Variants in ADAM32 observed in about 807,000 individuals in gnomAD.
The protein encoded by ADAM32 is disintegrin and metalloproteinase domain-containing protein 32.
ADAM32 carries 89 observed loss-of-function variants against 114.9 expected under a neutral mutation model. The ratio of observed to expected loss-of-function variants is 0.77; its 90% confidence interval spans 0.65 to 0.92. ADAM32 has a LOEUF of 0.92. Among genes scored for constraint, ADAM32 ranks in the 40% least tolerant of loss-of-function variants. ADAM32 has a pLI of 0.00. For missense variants in ADAM32, 870 were observed against 932.8 expected, an observed-to-expected ratio of 0.93 and a Z score of 0.88; for synonymous variants, 285 against 307.5, an observed-to-expected ratio of 0.93 and a Z score of 0.77.
rs749379276 is a variant in ADAM32, at chr8:39,233,925, G to A, written c.1661G>A (p.Cys554Tyr). The change falls in exon 16 of 25, where the codon TGT becomes TAT. Residue 554 changes from cysteine to tyrosine, a missense_variant. Coordinates refer to ENST00000379907, the MANE Select transcript of ADAM32 (RefSeq NM_145004.7). ...AATCTTATATGTGGAAGATTAGTTT[G>A]TACCTACCCTACTCGAAAGCCTTTC... ...WRNLICGRLV[C>Y]TYPTRKPFHQ... 6 of 1,580,220 alleles carry A rather than the reference G, an allele frequency of 3.8e-6. No homozygotes were observed. The South Asian group carries it at 6.0e-5, about 16-fold the overall frequency.
intron 10 of ADAM32, among the ~76,000 whole-genome samples, chr8:39,186,127 G>A (rs1297053163): frequency 6.6e-6 from 1 of 152,146 alleles, no homozygotes; most frequent in East Asian, 1.9e-4. Context: ...TTGCTCATTT[G>A]CAGCGTTCCC....
intron 23 of ADAM32, 59 bp from the exon 24 acceptor site, chr8:39,283,527 C>T (rs1813574719): frequency 7.6e-7 from 1 of 1,319,458 alleles, no homozygotes; most frequent in Non-Finnish European, 1.0e-6. Flanking sequence ...ATAAATACAA[C>T]ATAAGTTTGA....
chr8:39,218,234 T>C (rs1025813577), intron 12 of ADAM32, among the ~76,000 whole-genome samples: 1 of 152,164 alleles, frequency 6.6e-6, no homozygotes, highest in Non-Finnish European at 1.5e-5. Flanking sequence ...TTCTCTTTCT[T>C]TCTGTGCTGA....
chr8:39,182,209 G>A (rs1805947109), intron 10 of ADAM32, among the ~76,000 whole-genome samples: 1 of 152,050 alleles, frequency 6.6e-6, no homozygotes, highest in African/African-American at 2.4e-5. Context: ...GTTAGCAGAT[G>A]GGCTTTTTGA....
intron 6 of ADAM32, among the ~76,000 whole-genome samples, chr8:39,155,940 A>T (rs1804120107): frequency 6.6e-6 from 1 of 152,192 alleles, no homozygotes; most frequent in Non-Finnish European, 1.5e-5. Context: ...CCTCTATAGT[A>T]TACAAAACGC....
At chr8:39,208,540 C>T (rs1253789993) in intron 11 of ADAM32, among the ~76,000 whole-genome samples, 2 of 152,140 alleles carry the variant, frequency 1.3e-5, no homozygotes, top group East Asian at 3.8e-4. Context: ...GCATTCTTTT[C>T]TGTCAGACTG....
intron 11 of ADAM32, among the ~76,000 whole-genome samples, chr8:39,207,743 TTCTACTC>T (rs1325574038): frequency 6.6e-6 from 1 of 152,210 alleles, no homozygotes; most frequent in Non-Finnish European, 1.5e-5. Flanking sequence ...GTAACCACTA[TTCTACTC>T]TCTATTTTTA....
At chr8:39,242,154 A>G (rs1810603366) in intron 16 of ADAM32, among the ~76,000 whole-genome samples, 1 of 152,226 alleles carries the variant, frequency 6.6e-6, no homozygotes, top group Non-Finnish European at 1.5e-5. Context: ...CCTGATCTCC[A>G]TCTGAGACCA....
chr8:39,222,931 A>G, intron 13 of ADAM32, 109 bp from the exon 14 acceptor site: 1 of 814,366 alleles, frequency 1.2e-6, no homozygotes, highest in Non-Finnish European at 1.9e-6. Flanking sequence ...ATTAATATAC[A>G]TTAATGGATA....
chr8:39,214,301 C>A (rs1808421639), intron 12 of ADAM32, among the ~76,000 whole-genome samples: 1 of 152,170 alleles, frequency 6.6e-6, no homozygotes, highest in East Asian at 1.9e-4. Context: ...TATACTCCCA[C>A]CAACAGTGTA....
intron 6 of ADAM32, among the ~76,000 whole-genome samples, chr8:39,153,679 T>C (rs1232341227): frequency 1.3e-5 from 2 of 152,186 alleles, no homozygotes; most frequent in Non-Finnish European, 2.9e-5. Flanking sequence ...GAGAGCACAC[T>C]CTTGTGTGGA....
At chr8:39,253,134 G>T (rs368178473) in intron 17 of ADAM32, among the ~76,000 whole-genome samples, 1 of 151,622 alleles carries the variant, frequency 6.6e-6, no homozygotes, top group African/African-American at 2.4e-5. Context: ...GGGATGCAAG[G>T]ATGGTTCAAA....
At chr8:39,156,831 C>T (rs1193584131) in intron 6 of ADAM32, among the ~76,000 whole-genome samples, 2 of 152,158 alleles carry the variant, frequency 1.3e-5, no homozygotes, top group Non-Finnish European at 2.9e-5. Flanking sequence ...CATCAGAGCC[C>T]ATCCTAATGA....
At chr8:39,147,983 T>A (rs560158723) in intron 4 of ADAM32, among the ~76,000 whole-genome samples, 5 of 152,166 alleles carry the variant, frequency 3.3e-5, no homozygotes, top group South Asian at 4.2e-4. Context: ...TTCACCATGT[T>A]GGCCAGGCTT....
At chr8:39,122,509 A>G (rs1210798634) in intron 2 of ADAM32, among the ~76,000 whole-genome samples, 2 of 152,252 alleles carry the variant, frequency 1.3e-5, no homozygotes, top group African/African-American at 4.8e-5. Flanking sequence ...AGGCCTCACC[A>G]GAAACCAACC....
At chr8:39,122,704 G>A (rs1801850220) in intron 2 of ADAM32, among the ~76,000 whole-genome samples, 1 of 152,182 alleles carries the variant, frequency 6.6e-6, no homozygotes, top group Admixed American at 6.5e-5. Flanking sequence ...AGCCTCCCAA[G>A]TAGCTGGAAT....
chr8:39,107,672 C>G (rs1248397362), upstream of ADAM32: 2 of 1,536,502 alleles, frequency 1.3e-6, no homozygotes, highest in East Asian at 2.5e-5. Flanking sequence ...AGAACGCTGT[C>G]CCATGAACGT....
chr8:39,162,000 T>TTATA (rs5891056), intron 7 of ADAM32, among the ~76,000 whole-genome samples: 6 of 144,506 alleles, frequency 4.2e-5, no homozygotes, highest in Admixed American at 6.9e-5. Context: ...TTATTTTATT[T>TTATA]TATATATATA....
chr8:39,193,812 A>G (rs1806759777), intron 11 of ADAM32, among the ~76,000 whole-genome samples: 1 of 152,006 alleles, frequency 6.6e-6, no homozygotes, highest in Non-Finnish European at 1.5e-5. Flanking sequence ...ATTCTGTGGG[A>G]CTAGTATCAT....
Sources: allele counts gnomAD v4.1 joint callset (sites outside exome capture counted in the v4.1 genomes callset), GRCh38; gene constraint gnomAD v4.1.1; transcripts MANE v1.5; gene names NCBI Gene and HGNC (gene_info 2026-07-23, HGNC 2026-07-21).